ADORA2A: variants seen among roughly 807,000 people sequenced by gnomAD.
ADORA2A encodes adenosine A2a receptor.
ADORA2A carries 11 observed loss-of-function variants against 18.4 expected under a neutral mutation model. The ratio of observed to expected loss-of-function variants is 0.60; its 90% CI spans 0.38 to 0.99. ADORA2A has a LOEUF of 0.99. ADORA2A is among the 50% of genes least tolerant of loss of function. The pLI, the probability that ADORA2A is intolerant of heterozygous loss-of-function variation, is 0.01. For missense variants in ADORA2A, 449 were observed against 556.1 expected (o/e 0.81, Z 1.94); for synonymous variants, 218 against 237.3 (o/e 0.92, Z 0.75).
chr22:24,428,015 T>C (rs1338305918), intron 1 of ADORA2A, among the ~76,000 whole-genome samples: 3 of 152,172 alleles, frequency 2.0e-5, no homozygotes, highest in Admixed American at 6.5e-5. Flanking sequence ...GGTGTATCTC[T>C]GGGTCCCGGG....
Position 24,440,875 on chromosome 22 carries a change from A to T in ADORA2A, c.625A>T (p.Lys209Ter). The change falls in exon 3 of 3, where the codon AAG (lysine) becomes TAG (stop). Residue 209 changes from lysine (K) to a stop codon, truncating the protein, a stop_gained. Coordinates refer to ENST00000337539, the MANE Select transcript of ADORA2A (RefSeq NM_000675.6). LOFTEE classifies it high-confidence loss of function. ...CTTCCTGGCGGCGCGACGACAGCTGAAGCAGATGGAGAGCCAGCCTCTGCC... is the reference window on the plus strand; with the variant it reads ...CTTCCTGGCGGCGCGACGACAGCTGTAGCAGATGGAGAGCCAGCCTCTGCC... ...RIFLAARRQL[K>*]QMESQPLPGE... 6.2e-7 allele frequency: 1 copy of T among 1,614,150 alleles called. No homozygotes were observed. Among genetic ancestry groups the T allele is most frequent in the Non-Finnish European group, 8.5e-7 (1 of 1,180,030 alleles).
intron 1 of ADORA2A, chr22:24,431,399 T>C (rs1257544576): frequency 2.2e-6 from 1 of 456,704 alleles, no homozygotes; most frequent in Admixed American, 2.3e-5. Context: ...TTCCAGCCAC[T>C]TGAGGTGCCG....
upstream of ADORA2A, among the ~76,000 whole-genome samples, chr22:24,425,511 G>A (rs1354278794): frequency 6.6e-6 from 1 of 152,140 alleles, no homozygotes; most frequent in Non-Finnish European, 1.5e-5. Flanking sequence ...CCCTCCATCC[G>A]TGTCCCCTGT....
chr22:24,431,212 C>T (rs970022874), intron 1 of ADORA2A: 1 of 456,770 alleles, frequency 2.2e-6, no homozygotes, highest in Middle Eastern at 3.3e-4. Context: ...GAGGACTCGG[C>T]CCTCTCCAGC....
upstream of ADORA2A, among the ~76,000 whole-genome samples, chr22:24,425,109 C>T (rs1424390273): frequency 6.6e-6 from 1 of 152,152 alleles, no homozygotes; most frequent in African/African-American, 2.4e-5. Flanking sequence ...TCCACCCTGC[C>T]TCTGCTGCCG....
At position 24,433,056 on chromosome 22, in the gene ADORA2A, G is replaced by A; in HGVS notation, c.-274-75G>A. ...TAGGGTCTTCAGGGGGCCAAGTGTG[G>A]GGTAAGGGGTGGCACTTTCCGCAGG... On this transcript the variant is annotated intron_variant, in intron 1 of 2. Transcript: ENST00000337539. The A allele has an allele frequency of 7.9e-6, 3 of 381,204 alleles. No individual in the cohort carries two copies. In the South Asian group the frequency reaches 9.0e-5, roughly 11 times the overall value. The allele number at this position is 381,204 out of a possible 1,614,324, so 23.6% of individuals were successfully genotyped here.
Position 24,440,834 on chromosome 22 carries a change from G to T in ADORA2A, c.584G>T (p.Gly195Val). The change falls in exon 3 of 3, where the codon GGT becomes GTT. Residue 195 changes from glycine to valine, a missense_variant. Gly to Val is a moderately radical substitution (Grantham distance 109). Coordinates refer to ENST00000337539, the MANE Select transcript of ADORA2A (RefSeq NM_000675.6). ...CVLVPLLLML[G>V]VYLRIFLAAR... ...CTGGTGCCCCTGCTGCTCATGCTGGGTGTCTATTTGCGGATCTTCCTGGCG... is the reference window on the plus strand; with the variant it reads ...CTGGTGCCCCTGCTGCTCATGCTGGTTGTCTATTTGCGGATCTTCCTGGCG... The T allele has an allele frequency of 6.2e-7, 1 of 1,614,190 alleles. No homozygotes were observed. Among genetic ancestry groups the T allele is most frequent in the Non-Finnish European group, 8.5e-7 (1 of 1,180,054 alleles).
chr22:24,439,679 A>G (rs2043284500), intron 2 of ADORA2A: 1 of 151,770 alleles, frequency 6.6e-6, no homozygotes, highest in Non-Finnish European at 1.5e-5. Context: ...CCTTTCCTAC[A>G]GGGCTGAGGT....
chr22:24,439,072 C>CTTTTTTTTTTTTTTTTTTT (rs3032740), intron 2 of ADORA2A, among the ~76,000 whole-genome samples: 7 of 73,094 alleles, frequency 9.6e-5, no homozygotes, highest in Non-Finnish European at 1.6e-4. Context: ...CCCCTTGCAC[C>CTTTTTTTTTTTTTTTTTTT]TTTTTTTTTT....
chr22:24,441,249 G>A lies in ADORA2A; in HGVS notation c.999G>A (p.Gln333=), dbSNP rs1279910235. 2 of 1,613,572 alleles carry A rather than the reference G, an allele frequency of 1.2e-6. No individual in the cohort carries two copies. Among genetic ancestry groups the A allele is most frequent in the Non-Finnish European group, 1.7e-6 (2 of 1,179,984 alleles). The change falls in exon 3 of 3, where the codon CAG becomes CAA. Residue 333 remains glutamine, a synonymous_variant. Transcript: ENST00000337539. ...VLAAHGSDGE[Q]VSLRLNGHPP... is the part of the protein sequence containing the mutation. ...CAGCTCATGGCAGTGACGGAGAGCA[G>A]GTCAGCCTCCGTCTCAACGGCCACC...
At chr22:24,427,991 G>A (rs1039637835) in intron 1 of ADORA2A, among the ~76,000 whole-genome samples, 20 of 152,310 alleles carry the variant, frequency 1.3e-4, no homozygotes, top group Middle Eastern at 3.4e-3. Context: ...CCGGGCTGTG[G>A]GGGAGGGATG....
intron 1 of ADORA2A, chr22:24,431,074 C>A: frequency 2.2e-6 from 1 of 452,250 alleles, no homozygotes; most frequent in Non-Finnish European, 4.5e-6. Flanking sequence ...CCAAGAGCAT[C>A]AGGGATAACT....
chr22:24,436,736 G>T (rs1180095545), intron 2 of ADORA2A, among the ~76,000 whole-genome samples: 2 of 152,230 alleles, frequency 1.3e-5, no homozygotes, highest in South Asian at 2.1e-4. Flanking sequence ...TTCTAAGAGG[G>T]CAGGATTGGG....
upstream of ADORA2A, among the ~76,000 whole-genome samples, chr22:24,427,315 G>A (rs1199838467): frequency 1.3e-5 from 2 of 152,158 alleles, no homozygotes. Flanking sequence ...CACCTGCCCA[G>A]GGACCCAACA....
Position 24,433,667 on chromosome 22 carries a change from C to T in ADORA2A, c.263C>T (p.Thr88Met), listed in dbSNP as rs746738083. The T allele has an allele frequency of 1.2e-6, 2 of 1,612,718 alleles. No homozygotes were observed. The highest frequency in any genetic ancestry group is 1.3e-5 in the African/African-American group (1 of 75,078). Reference sequence around the variant, plus strand: ...ATTGCCTGCTTCGTCCTGGTCCTCACGCAGAGCTCCATCTTCAGTCTCCTG... The same window carrying T: ...ATTGCCTGCTTCGTCCTGGTCCTCATGCAGAGCTCCATCTTCAGTCTCCTG... ...LFIACFVLVLTQSSIFSLLAI... is the reference protein window; with the variant it reads ...LFIACFVLVLMQSSIFSLLAI... Residue 88 changes from threonine to methionine, a missense_variant, in exon 2 of 3, where the codon ACG (threonine) becomes ATG (methionine). Coordinates refer to ENST00000337539, the MANE Select transcript of ADORA2A (RefSeq NM_000675.6).
chr22:24,431,042 G>A (rs1343024524), intron 1 of ADORA2A: 2 of 431,662 alleles, frequency 4.6e-6, no homozygotes, highest in Non-Finnish European at 9.4e-6. Context: ...GGGCCCTGGT[G>A]AGTACTGCTC....
At chr22:24,434,466 G>A (rs2043125269) in intron 2 of ADORA2A, among the ~76,000 whole-genome samples, 1 of 152,192 alleles carries the variant, frequency 6.6e-6, no homozygotes. Flanking sequence ...TTTCCCAGAG[G>A]CTGAATTACT....
At chr22:24,432,318 G>C (rs951878166) in intron 1 of ADORA2A, 3 of 152,940 alleles carry the variant, frequency 2.0e-5, no homozygotes, top group Middle Eastern at 3.4e-3. Flanking sequence ...CCACATCCGA[G>C]CTCCAGGGGT....
upstream of ADORA2A, chr22:24,424,304 G>A (rs556222790): frequency 6.6e-6 from 1 of 152,390 alleles, no homozygotes; most frequent in South Asian, 2.1e-4. This position sits in a 1 kb window ranked among gnomAD's most constrained non-coding sequence, Gnocchi z 4.9. Flanking sequence ...GGGGAGGGAA[G>A]GCAAGTGCGG....
Sources: gnomAD v4.1 joint callset for allele counts (sites outside exome capture counted in the v4.1 genomes callset) on GRCh38, gnomAD v4.1.1 for gene constraint, Gnocchi (gnomAD v3.1) non-coding constraint, MANE v1.5 for transcripts, NCBI Gene and HGNC (gene_info 2026-07-23, HGNC 2026-07-21) for gene names.